Variants in TMEM114 observed in about 807,000 individuals in gnomAD.
The protein encoded by TMEM114 is claudin-26.
In TMEM114, 6 loss-of-function variants were observed where a neutral mutation model predicts 6.2. The observed-to-expected ratio is 0.97, with a 90% CI of 0.53 to 1.91. TMEM114 has a LOEUF of 1.91. TMEM114 is among the 40% of genes most tolerant of loss of function. The pLI is 0.01. For synonymous variants in TMEM114, 104 were observed against 73.0 expected, an observed-to-expected ratio of 1.42 and a Z score of -2.16; for missense variants, 218 against 158.3, an observed-to-expected ratio of 1.38 and a Z score of -2.02.
At chr16:8,552,200 C>T (rs924325042) in intron 2 of TMEM114, among the ~76,000 whole-genome samples, 14 of 150,456 alleles carry the variant, frequency 9.3e-5, no homozygotes, top group Middle Eastern at 3.4e-3. Context: ...CACAGCAAGA[C>T]CCTATCTCTG....
At chr16:8,576,181 G>A (rs1901921201) in intron 2 of TMEM114, among the ~76,000 whole-genome samples, 1 of 152,170 alleles carries the variant, frequency 6.6e-6, no homozygotes, top group African/African-American at 2.4e-5. Flanking sequence ...CCTTCTCCCA[G>A]CTCATATGAC....
At chr16:8,530,588 A>T in the TMEM114 span, among the ~76,000 whole-genome samples, 1 of 151,958 alleles carries the variant, frequency 6.6e-6, no homozygotes, top group Non-Finnish European at 1.5e-5. Context: ...GAGAGAAAGA[A>T]AGCAGGAAGG....
In TMEM114 at chr16:8,564,193, ATGAG is replaced by A. The variant is rs1485875469; in HGVS notation, n.212+25016_212+25019del. Among the ~76,000 whole-genome samples the A allele has an allele frequency of 2.6e-4, 37 of 140,016 alleles. 1 individual carries two copies. The highest frequency in any genetic ancestry group is 9.1e-4 in the African/African-American group (33 of 36,090). 91.9% of individuals were successfully genotyped at this position (140,016 alleles called of 152,430 possible). Reference sequence around the variant, plus strand: ...AGTAAATGAGTGAGTGAGTGCATGAATGAGTGAGTGGGTGAATGAGTGAGTTAGT... The same window carrying A: ...AGTAAATGAGTGAGTGAGTGCATGAATGAGTGGGTGAATGAGTGAGTTAGT... On this transcript the variant is annotated intron_variant and non_coding_transcript_variant, in intron 2 of 2. Coordinates refer to the TMEM114 transcript ENST00000623677.
intron 2 of TMEM114, among the ~76,000 whole-genome samples, chr16:8,543,109 T>C (rs188881740): frequency 6.6e-6 from 1 of 152,272 alleles, no homozygotes; most frequent in Admixed American, 6.5e-5. Context: ...ATAATTGATG[T>C]CAGTTCAGAC....
the TMEM114 span, chr16:8,532,067 T>A: frequency 3.3e-5 from 5 of 152,218 alleles, no homozygotes; most frequent in Admixed American, 3.3e-4. Context: ...GTGGGAATGC[T>A]TACCTGGCTC....
intron 2 of TMEM114, among the ~76,000 whole-genome samples, chr16:8,547,779 G>A (rs907244855): frequency 2.0e-5 from 3 of 152,082 alleles, no homozygotes; most frequent in Non-Finnish European, 4.4e-5. Context: ...GTGAAGTCTC[G>A]GGGAAGTGCG....
chr16:8,569,787 C>T lies in TMEM114; in HGVS notation c.658G>A (p.Asp220Asn), dbSNP rs1465231758. The change falls in exon 4 of 4, where the codon GAC becomes AAC. Residue 220 changes from aspartate (D) to asparagine (N), a missense_variant. Transcript: ENST00000620492. ...AGCGCCCAGGCTCATATGGCCTGGTCCTGCCTCCGTCTCAGGCTGAGCTCG... is the reference window on the plus strand; with the variant it reads ...AGCGCCCAGGCTCATATGGCCTGGTTCTGCCTCCGTCTCAGGCTGAGCTCG... ...ARELSLRRRQ[D>N]QAI 6.4e-7 allele frequency: 1 copy of T among 1,550,426 alleles called. No homozygotes were observed.
chr16:8,547,644 G>T (rs1216429181), intron 2 of TMEM114, among the ~76,000 whole-genome samples: 1 of 152,080 alleles, frequency 6.6e-6, no homozygotes, highest in Non-Finnish European at 1.5e-5. Flanking sequence ...ACCCGCCTCG[G>T]CCTCCCAAAG....
At chr16:8,554,534 C>A (rs1488352323) in intron 2 of TMEM114, among the ~76,000 whole-genome samples, 3 of 152,164 alleles carry the variant, frequency 2.0e-5, no homozygotes, top group African/African-American at 7.2e-5. Flanking sequence ...TTGATTGATC[C>A]TCCACCCCCA....
At chr16:8,547,718 G>T (rs1567196331) in intron 2 of TMEM114, among the ~76,000 whole-genome samples, 1 of 152,096 alleles carries the variant, frequency 6.6e-6, no homozygotes, top group Admixed American at 6.5e-5. Flanking sequence ...GAACACAAAG[G>T]TTGGCAAGGT....
At chr16:8,544,244 A>G (rs1260216500) in intron 2 of TMEM114, among the ~76,000 whole-genome samples, 1 of 152,340 alleles carries the variant, frequency 6.6e-6, no homozygotes, top group East Asian at 1.9e-4. Flanking sequence ...TGCTTAACAG[A>G]TAAGCACAGC....
intron 2 of TMEM114, among the ~76,000 whole-genome samples, chr16:8,575,380 C>T (rs1037610177): frequency 5.3e-5 from 8 of 152,302 alleles, no homozygotes; most frequent in South Asian, 2.1e-4. Context: ...CTCTCTTGCA[C>T]GCATGTTGAC....
chr16:8,578,625 T>A (rs1902024919), intron 2 of TMEM114, among the ~76,000 whole-genome samples: 1 of 152,200 alleles, frequency 6.6e-6, no homozygotes. Context: ...ACGTCTTGGA[T>A]GGCATACAGT....
At chr16:8,565,479 C>A (rs952462289), downstream of TMEM114, among the ~76,000 whole-genome samples, 1 of 152,140 alleles carries the variant, frequency 6.6e-6, no homozygotes, top group Non-Finnish European at 1.5e-5. Context: ...GGGGACAAAT[C>A]GTGGCTGAGC....
intron 2 of TMEM114, among the ~76,000 whole-genome samples, chr16:8,574,288 T>C (rs1901840039): frequency 6.6e-6 from 1 of 152,194 alleles, no homozygotes; most frequent in African/African-American, 2.4e-5. Flanking sequence ...GTAAAGATCA[T>C]TGGGCAACAC....
intron 2 of TMEM114, among the ~76,000 whole-genome samples, chr16:8,580,044 C>T (rs2141694946): frequency 6.6e-6 from 1 of 152,198 alleles, no homozygotes; most frequent in South Asian, 2.1e-4. Flanking sequence ...GTAGGAGACA[C>T]CCAAAGTAGC....
At chr16:8,567,732 G>C (rs1271653695), downstream of TMEM114, among the ~76,000 whole-genome samples, 6 of 152,140 alleles carry the variant, frequency 3.9e-5, no homozygotes, top group African/African-American at 1.4e-4. Flanking sequence ...TCCAGCACTT[G>C]GGCGCTAGGA....
chr16:8,560,540 G>A (rs995230989), intron 2 of TMEM114, among the ~76,000 whole-genome samples: 2 of 152,160 alleles, frequency 1.3e-5, no homozygotes, highest in East Asian at 3.9e-4. Flanking sequence ...CCAAAAGGCG[G>A]GTTGTTTATT....
intron 2 of TMEM114, among the ~76,000 whole-genome samples, chr16:8,539,678 C>T (rs1900463154): frequency 6.6e-6 from 1 of 152,054 alleles, no homozygotes; most frequent in South Asian, 2.1e-4. Context: ...TTATTCACCA[C>T]CACAAGCAAG....
Sources: allele counts gnomAD v4.1 joint callset (sites outside exome capture counted in the v4.1 genomes callset), GRCh38; gene constraint gnomAD v4.1.1; transcripts MANE v1.5; gene names NCBI Gene and HGNC (gene_info 2026-07-23, HGNC 2026-07-21).